MYH15: variants seen among roughly 807,000 people sequenced by gnomAD.
The protein encoded by MYH15 is myosin-15.
In MYH15, 227 loss-of-function variants were observed where a neutral mutation model predicts 240.5. That is an observed-to-expected ratio of 0.94 (90% CI 0.85 to 1.05). The LOEUF is 1.05. Ranked by LOEUF, MYH15 falls within the 50% of genes least tolerant of loss-of-function variation. The pLI, the probability that MYH15 is intolerant of heterozygous loss-of-function variation, is 0.00. For missense variants in MYH15, 2,217 were observed against 2,247.5 expected, an observed-to-expected ratio of 0.99 and a Z score of 0.27; for synonymous variants, 785 against 796.7, an observed-to-expected ratio of 0.99 and a Z score of 0.25.
intron 2 of MYH15, among the ~76,000 whole-genome samples, chr3:108,504,106 A>C (rs1265445621): frequency 2.0e-5 from 3 of 152,248 alleles, no homozygotes; most frequent in African/African-American, 7.2e-5. Flanking sequence ...GCAAATCTAT[A>C]GAGTTAGAAA....
chr3:108,457,978 G>A (rs1007936926), intron 18 of MYH15, among the ~76,000 whole-genome samples: 1 of 152,160 alleles, frequency 6.6e-6, no homozygotes, highest in Admixed American at 6.5e-5. Flanking sequence ...AGATTGTGGT[G>A]AGCCAAGATC....
At chr3:108,443,182 G>C (rs1262531241) in intron 22 of MYH15, among the ~76,000 whole-genome samples, 1 of 152,086 alleles carries the variant, frequency 6.6e-6, no homozygotes, top group Non-Finnish European at 1.5e-5. Flanking sequence ...CTTTGAAATG[G>C]GGCCCAGGAA....
chr3:108,489,058 A>C (rs958353104), intron 9 of MYH15, among the ~76,000 whole-genome samples: 1 of 152,122 alleles, frequency 6.6e-6, no homozygotes, highest in Non-Finnish European at 1.5e-5. Context: ...GGCCATTTGC[A>C]TGTCTTCTTT....
At chr3:108,405,868 C>A (rs1027480791) in intron 32 of MYH15, among the ~76,000 whole-genome samples, 2 of 152,158 alleles carry the variant, frequency 1.3e-5, no homozygotes, top group African/African-American at 4.8e-5. Context: ...AAATTCTGGA[C>A]ATCACGAGGG....
chr3:108,433,234 A>T (rs1006167701), intron 25 of MYH15, among the ~76,000 whole-genome samples: 1 of 152,150 alleles, frequency 6.6e-6, no homozygotes, highest in African/African-American at 2.4e-5. Flanking sequence ...TCAGACTTGG[A>T]TAGGGCCTGT....
upstream of MYH15, among the ~76,000 whole-genome samples, chr3:108,513,513 C>T (rs1411679316): frequency 1.3e-5 from 2 of 152,156 alleles, no homozygotes; most frequent in African/African-American, 4.8e-5. Context: ...TCAATACATA[C>T]TGATTAGGTT....
In MYH15 at chr3:108,437,560, A is replaced by G; in HGVS notation, c.3215T>C (p.Leu1072Pro). 1.2e-6 allele frequency: 2 copies of G among 1,612,584 alleles called. No individual in the cohort carries two copies. The highest frequency in any genetic ancestry group is 1.7e-6 in the Non-Finnish European group (2 of 1,179,488). Residue 1072 changes from leucine to proline, a missense_variant, in exon 25 of 41, where the codon CTG becomes CCG. Transcript: ENST00000693548. Reference sequence around the variant, plus strand: ...CAACAGAAAGGTGGCTTACTTCCTCAGCTCTTCTGCCAGGTGTCGCTGGCT... The same window carrying G: ...CAACAGAAAGGTGGCTTACTTCCTCGGCTCTTCTGCCAGGTGTCGCTGGCT... ...ESSQRHLAEE[L>P]RKKELELSQM...
chr3:108,394,651 G>A (rs1347020494), intron 35 of MYH15, among the ~76,000 whole-genome samples: 1 of 152,184 alleles, frequency 6.6e-6, no homozygotes, highest in Non-Finnish European at 1.5e-5. Context: ...ACTTTACAGT[G>A]AGGAGGTGGG....
At chr3:108,420,291 C>T (rs2082672069) in intron 28 of MYH15, among the ~76,000 whole-genome samples, 1 of 152,094 alleles carries the variant, frequency 6.6e-6, no homozygotes, top group Non-Finnish European at 1.5e-5. Flanking sequence ...CCTCATGGAG[C>T]TTATATTCTG....
At chr3:108,389,198 G>A in intron 37 of MYH15, 124 bp from the exon 38 acceptor site, 2 of 733,784 alleles carry the variant, frequency 2.7e-6, no homozygotes, top group Non-Finnish European at 4.5e-6. Context: ...TGTTTTTGGT[G>A]CTTAAACAGG....
At chr3:108,443,004 A>G (rs2082897200) in intron 22 of MYH15, among the ~76,000 whole-genome samples, 1 of 152,056 alleles carries the variant, frequency 6.6e-6, no homozygotes, top group Admixed American at 6.6e-5. Flanking sequence ...ACCATGCCCT[A>G]CACAAGCTGG....
intron 1 of MYH15, among the ~76,000 whole-genome samples, chr3:108,517,979 T>G (rs2083587613): frequency 2.0e-5 from 3 of 152,206 alleles, no homozygotes; most frequent in Admixed American, 1.3e-4. Context: ...CATAACGCTC[T>G]CATCTACATT....
At chr3:108,429,240 A>G (rs2082755581) in intron 26 of MYH15, among the ~76,000 whole-genome samples, 1 of 152,172 alleles carries the variant, frequency 6.6e-6, no homozygotes, top group Non-Finnish European at 1.5e-5. Context: ...ATATACAAAA[A>G]TCTTCCTCAT....
At chr3:108,381,623 T>A in intron 40 of MYH15, 64 bp from the exon 41 acceptor site, 1 of 1,576,356 alleles carries the variant, frequency 6.3e-7, no homozygotes, top group Non-Finnish European at 8.7e-7. Flanking sequence ...GGAACACATG[T>A]CCAGAACCAA....
At chr3:108,413,531 T>G (rs2082610182) in intron 30 of MYH15, among the ~76,000 whole-genome samples, 1 of 152,244 alleles carries the variant, frequency 6.6e-6, no homozygotes, top group South Asian at 2.1e-4. Flanking sequence ...AAGCTGGGGT[T>G]TGACAATTTC....
intron 14 of MYH15, among the ~76,000 whole-genome samples, chr3:108,466,507 C>T (rs2083119424): frequency 6.6e-6 from 1 of 152,098 alleles, no homozygotes; most frequent in Admixed American, 6.5e-5. Context: ...TGGGAAAAAC[C>T]AGGAGGGGCT....
At position 108,526,154 on chromosome 3, in the gene MYH15, ACT is replaced by A. The variant is rs545813034; in HGVS notation, c.-58+3107_-58+3108del. Among the ~76,000 whole-genome samples, 47 of 152,134 alleles carry A rather than the reference ACT, an allele frequency of 3.1e-4. 1 individual carries two copies. Among genetic ancestry groups the A allele is most frequent in the African/African-American group, 9.2e-4 (38 of 41,530 alleles). On this transcript the variant is annotated intron_variant, in intron 1 of 41. Transcript: ENST00000273353. ...GTGCCAAATGGGCCAATAAAGCTAG[ACT>A]CTTATACAGTGATGCTTCGATAAAC...
At chr3:108,545,091 G>A in the MYH15 span, among the ~76,000 whole-genome samples, 8 of 152,040 alleles carry the variant, frequency 5.3e-5, no homozygotes, top group Non-Finnish European at 1.2e-4. Context: ...AAACTACTAT[G>A]ATACCTAAGG....
At chr3:108,419,175 A>G (rs2082661226) in intron 28 of MYH15, among the ~76,000 whole-genome samples, 1 of 152,226 alleles carries the variant, frequency 6.6e-6, no homozygotes, top group Admixed American at 6.5e-5. Context: ...TGGTAAGCTG[A>G]CAGAACAGGG....
Sources: allele counts gnomAD v4.1 joint callset (sites outside exome capture counted in the v4.1 genomes callset), GRCh38; gene constraint gnomAD v4.1.1; transcripts MANE v1.5; gene names NCBI Gene and HGNC (gene_info 2026-07-23, HGNC 2026-07-21).